The following FAM53B variants were observed in gnomAD, a reference collection of about 807,000 sequenced individuals.
The protein encoded by FAM53B is family with sequence similarity 53 member B.
FAM53B carries 12 observed loss-of-function variants against 32.7 expected under a neutral mutation model. The observed-to-expected ratio is 0.37, with a 90% CI of 0.24 to 0.59. The LOEUF (loss-of-function observed/expected upper bound fraction) is 0.59. FAM53B is among the 20% of genes least tolerant of loss of function. The probability of loss-of-function intolerance (pLI) is 0.72; values close to 1 mark genes in which losing one functional copy is unlikely to be tolerated. For synonymous variants in FAM53B, 234 were observed against 228.7 expected (o/e 1.02, Z -0.21); for missense variants, 477 against 577.7 (o/e 0.83, Z 1.79).
intron 2 of FAM53B, among the ~76,000 whole-genome samples, chr10:124,703,285 T>C (rs1337170713): frequency 6.6e-6 from 1 of 152,214 alleles, no homozygotes; most frequent in African/African-American, 2.4e-5. Flanking sequence ...CCTGACCTCG[T>C]GATCCGCCCT....
chr10:124,679,316 C>T (rs1414858481), intron 4 of FAM53B, among the ~76,000 whole-genome samples: 1 of 152,210 alleles, frequency 6.6e-6, no homozygotes, highest in Non-Finnish European at 1.5e-5. Flanking sequence ...GGCCAGTGGT[C>T]TCACCTCACT....
At chr10:124,677,380 C>A (rs1949742503) in intron 4 of FAM53B, among the ~76,000 whole-genome samples, 1 of 152,236 alleles carries the variant, frequency 6.6e-6, no homozygotes, top group Non-Finnish European at 1.5e-5. Flanking sequence ...AGAACACCAG[C>A]CAGGAGGGCC....
chr10:124,717,313 G>C (rs1424574788), intron 1 of FAM53B, among the ~76,000 whole-genome samples: 3 of 152,220 alleles, frequency 2.0e-5, no homozygotes, highest in African/African-American at 4.8e-5. Flanking sequence ...ATGACTCTCT[G>C]GGCCTCAGTT....
chr10:124,741,025 G>A (rs1026911497), intron 1 of FAM53B, among the ~76,000 whole-genome samples: 8 of 152,206 alleles, frequency 5.3e-5, no homozygotes, highest in African/African-American at 1.4e-4. Context: ...CCCTGAGCTC[G>A]GGATTCTCCC....
chr10:124,701,508 C>T (rs138941194), intron 2 of FAM53B, among the ~76,000 whole-genome samples: 10 of 152,336 alleles, frequency 6.6e-5, no homozygotes, highest in Middle Eastern at 3.4e-3. Flanking sequence ...GAAAGAAGAG[C>T]GGGCCTGGCC....
intron 1 of FAM53B, among the ~76,000 whole-genome samples, chr10:124,721,957 C>T (rs1180543079): frequency 2.6e-5 from 4 of 151,994 alleles, no homozygotes; most frequent in Non-Finnish European, 5.9e-5. Context: ...TAAGAGGCTA[C>T]GAGAATATGT....
rs1950219889 is a variant in FAM53B at position 124,744,313 on chromosome 10, C to T, written c.-475G>A. The T allele has an allele frequency of 6.8e-6, 1 of 147,970 alleles. No individual in the cohort carries two copies. Among genetic ancestry groups the T allele is most frequent in the African/African-American group, 2.4e-5 (1 of 40,932 alleles). The allele number at this position is 147,970 out of a possible 1,614,324, so 9.2% of individuals were successfully genotyped here. A position where few individuals can be genotyped will look rare whatever the true frequency, so the allele number is the denominator to read the frequency against. On this transcript the variant is annotated 5_prime_UTR_variant, in exon 1 of 5. Transcript: ENST00000337318. ...GCGGGCGGTGTCGCGGGCCCGGGCG[C>T]TAGGCGCGGCGGCGGCGTGCAGGAG...
chr10:124,661,827 G>T lies in FAM53B; in HGVS notation c.906+19780C>A, dbSNP rs116132644. ...ATCTTAGCCTGCTTCATCCACAACA[G>T]TGACAACTGTCATCTTAGACTGTCT... On this transcript the variant is annotated intron_variant, in intron 4 of 4. Coordinates refer to ENST00000337318, the MANE Select transcript of FAM53B (RefSeq NM_014661.4). Among the ~76,000 whole-genome samples the T allele has an allele frequency of 2.4e-3, 365 of 152,380 alleles. 3 individuals are homozygous for T. The highest frequency in any genetic ancestry group is 8.5e-3 in the African/African-American group (353 of 41,590).
chr10:124,739,717 A>T (rs1403328963), intron 1 of FAM53B, among the ~76,000 whole-genome samples: 4 of 152,092 alleles, frequency 2.6e-5, no homozygotes, highest in African/African-American at 9.7e-5. Flanking sequence ...CCCATGCAAA[A>T]GCCAGCTTCC....
intron 4 of FAM53B, among the ~76,000 whole-genome samples, chr10:124,658,103 C>T (rs905125076): frequency 6.6e-5 from 10 of 152,184 alleles, no homozygotes; most frequent in Non-Finnish European, 1.3e-4. Context: ...GTCAAAGAAC[C>T]AGGTCAGTTC....
In FAM53B at chr10:124,664,771, C is replaced by G. The variant is rs74160947; in HGVS notation, c.906+16836G>C. On this transcript the variant is annotated intron_variant, in intron 4 of 4. Coordinates refer to ENST00000337318, the MANE Select transcript of FAM53B (RefSeq NM_014661.4). ...TGCTGTATGTAGGCACTGCTTTTACCCAATTTTCAGACCAAGAAACTGAGG... is the reference window on the plus strand; with the variant it reads ...TGCTGTATGTAGGCACTGCTTTTACGCAATTTTCAGACCAAGAAACTGAGG... Among the ~76,000 whole-genome samples, 961 of 152,312 alleles carry G rather than the reference C, an allele frequency of 6.3e-3. 14 individuals are homozygous for G. Among genetic ancestry groups the G allele is most frequent in the African/African-American group, 0.022 (922 of 41,552 alleles).
At chr10:124,727,940 T>C (rs1950117305) in intron 1 of FAM53B, among the ~76,000 whole-genome samples, 1 of 152,220 alleles carries the variant, frequency 6.6e-6, no homozygotes, top group Non-Finnish European at 1.5e-5. Context: ...TAAAAACTTG[T>C]AAAGCATCAT....
At chr10:124,671,168 A>G (rs1231207886) in intron 4 of FAM53B, 1 of 454,498 alleles carries the variant, frequency 2.2e-6, no homozygotes, top group Admixed American at 2.4e-5. Context: ...TGCAGGAGCA[A>G]TCTGCTCCAT....
chr10:124,623,569 G>A lies in FAM53B; in HGVS notation c.942C>T (p.Ser314=), dbSNP rs62642490. The change falls in exon 5 of 5, where the codon AGC becomes AGT. Residue 314 remains serine (S), a synonymous_variant. Transcript: ENST00000337318. ...GGGGACCGCAGTCCTCTGTCCCTGC[G>A]CTCAGGCAGCTGAGGCTGCTGAAGG... ...CQTFSSLSCL[S]AGTEDCGPQS... The A allele has an allele frequency of 6.9e-4, 1,105 of 1,606,814 alleles. 9 individuals carry two copies. In the African/African-American group the frequency reaches 0.011, roughly 17 times the overall value.
chr10:124,691,679 C>T (rs1394788956), intron 3 of FAM53B, among the ~76,000 whole-genome samples: 13 of 152,246 alleles, frequency 8.5e-5, no homozygotes, highest in Non-Finnish European at 1.8e-4. Context: ...TACAAATGCA[C>T]TGAATGGCTG....
intron 4 of FAM53B, among the ~76,000 whole-genome samples, chr10:124,672,339 C>T (rs971522149): frequency 1.3e-5 from 2 of 152,260 alleles, no homozygotes; most frequent in African/African-American, 2.4e-5. Flanking sequence ...ATGCTAACCT[C>T]GGGCTGGGAG....
intron 3 of FAM53B, among the ~76,000 whole-genome samples, chr10:124,691,871 A>G (rs1949834809): frequency 6.6e-6 from 1 of 152,206 alleles, no homozygotes; most frequent in Non-Finnish European, 1.5e-5. Flanking sequence ...GATGACTCTC[A>G]GCCACAGCCC....
intron 4 of FAM53B, among the ~76,000 whole-genome samples, chr10:124,669,950 GGTGGGTGAGGATTA>G (rs1172656401): frequency 6.6e-6 from 1 of 151,118 alleles, no homozygotes; most frequent in African/African-American, 2.4e-5. Flanking sequence ...AGGATTACAG[GGTGGGTGAGGATTA>G]CAGGGTGGGT....
At chr10:124,637,535 GGCC>G (rs1949441345) in intron 4 of FAM53B, among the ~76,000 whole-genome samples, 1 of 152,106 alleles carries the variant, frequency 6.6e-6, no homozygotes, top group Admixed American at 6.6e-5. Flanking sequence ...GGCCACCATA[GGCC>G]AGATCCCATC....
Sources: allele counts gnomAD v4.1 joint callset (sites outside exome capture counted in the v4.1 genomes callset), GRCh38; gene constraint gnomAD v4.1.1; transcripts MANE v1.5; gene names NCBI Gene and HGNC (gene_info 2026-07-23, HGNC 2026-07-21).